Variants in WRN observed in about 807,000 individuals in gnomAD.
WRN encodes the protein bifunctional 3'-5' exonuclease/ATP-dependent helicase WRN.
WRN carries 149 observed loss-of-function variants against 180.7 expected under a neutral mutation model. The ratio of observed to expected loss-of-function variants is 0.82; its 90% confidence interval spans 0.72 to 0.94. The LOEUF is 0.94. Among genes scored for constraint, WRN ranks in the 40% least tolerant of loss-of-function variants. The pLI is 0.00. For synonymous variants in WRN, 548 were observed against 568.9 expected (o/e 0.96, Z 0.52); for missense variants, 1,661 against 1,700.1 (o/e 0.98, Z 0.40).
intron 31 of WRN, among the ~76,000 whole-genome samples, chr8:31,150,792 CT>C (rs1289667747): frequency 6.6e-6 from 1 of 152,100 alleles, no homozygotes; most frequent in Non-Finnish European, 1.5e-5. Flanking sequence ...GAAAGTTATC[CT>C]TGCTATGAGT....
intron 28 of WRN, 44 bp downstream of exon 28, chr8:31,143,667 T>G (rs376999322): frequency 2.2e-6 from 3 of 1,385,144 alleles, no homozygotes; most frequent in Non-Finnish European, 2.0e-6. Flanking sequence ...GCTTTATGAG[T>G]ACTTTTTTTT....
At chr8:31,111,839 C>CTT (rs111854110) in intron 19 of WRN, 40 bp downstream of exon 19, 459 of 1,310,716 alleles carry the variant, frequency 3.5e-4, no homozygotes, top group African/African-American at 7.9e-4. Context: ...TAATGATTTC[C>CTT]TTTTTTTTTT....
intron 7 of WRN, among the ~76,000 whole-genome samples, chr8:31,069,888 T>C (rs1175980765): frequency 1.3e-5 from 2 of 152,190 alleles, no homozygotes; most frequent in Non-Finnish European, 2.9e-5. Flanking sequence ...GTAGGTTACA[T>C]GTACAATTTT....
At chr8:31,112,835 G>A (rs1230573903) in intron 19 of WRN, among the ~76,000 whole-genome samples, 1 of 152,136 alleles carries the variant, frequency 6.6e-6, no homozygotes. Flanking sequence ...TGATCCACCT[G>A]TGTTGGCCTT....
intron 21 of WRN, among the ~76,000 whole-genome samples, chr8:31,121,412 G>A (rs150962849): frequency 6.6e-6 from 1 of 152,102 alleles, no homozygotes; most frequent in African/African-American, 2.4e-5. Flanking sequence ...AGATATAGTA[G>A]TAAAGAAAAG....
At chr8:31,116,670 C>G in intron 20 of WRN, 142 bp downstream of exon 20, 3 of 1,187,218 alleles carry the variant, frequency 2.5e-6, no homozygotes, top group Non-Finnish European at 3.6e-6. Flanking sequence ...GGAGAACAAA[C>G]TTGCAGATTA....
intron 8 of WRN, among the ~76,000 whole-genome samples, chr8:31,080,389 G>A (rs11574219): frequency 0.018 from 2,790 of 151,558 alleles, 69 homozygotes; most frequent in African/African-American, 0.065. Flanking sequence ...TGAGTGCGGA[G>A]TCCTAGGCAT....
chr8:31,090,335 G>T (rs1813697473), intron 13 of WRN, 130 bp from the exon 14 acceptor site: 1 of 848,340 alleles, frequency 1.2e-6, no homozygotes, highest in Non-Finnish European at 1.9e-6. Context: ...AAAGTTCCAG[G>T]TTTGTGCATT....
At chr8:31,126,979 A>T (rs756214687) in intron 23 of WRN, among the ~76,000 whole-genome samples, 5 of 152,208 alleles carry the variant, frequency 3.3e-5, no homozygotes, top group Non-Finnish European at 5.9e-5. Context: ...AATAATTTAG[A>T]TGAAATGGAT....
intron 1 of WRN, among the ~76,000 whole-genome samples, chr8:31,046,046 G>T (rs990504187): frequency 3.3e-5 from 5 of 151,982 alleles, no homozygotes; most frequent in Non-Finnish European, 5.9e-5. Context: ...TCCCAGGCAG[G>T]TTGTCATTTT....
chr8:31,135,801 CTCTCT>C (rs59676141), intron 24 of WRN, among the ~76,000 whole-genome samples: 175 of 151,088 alleles, frequency 1.2e-3, no homozygotes, highest in African/African-American at 3.9e-3. Context: ...GTCTTTTCTT[CTCTCT>C]TCTCTTCTCT....
intron 1 of WRN, among the ~76,000 whole-genome samples, chr8:31,041,336 A>G (rs1811649384): frequency 6.6e-6 from 1 of 152,150 alleles, no homozygotes; most frequent in African/African-American, 2.4e-5. Flanking sequence ...ATCTTCCCTT[A>G]CTTAGCCTTT....
At chr8:31,130,053 G>C (rs1418919772) in intron 23 of WRN, among the ~76,000 whole-genome samples, 2 of 147,850 alleles carry the variant, frequency 1.4e-5, no homozygotes, top group Non-Finnish European at 3.0e-5. Flanking sequence ...AGAGGGCCCA[G>C]TGGCTCACAC....
chr8:31,139,609 T>C (rs1014625063), intron 24 of WRN, among the ~76,000 whole-genome samples: 2 of 152,216 alleles, frequency 1.3e-5, no homozygotes, highest in African/African-American at 2.4e-5. Flanking sequence ...TACCTTTGCA[T>C]GCTCTGCAAA....
At position 31,116,394 on chromosome 8, in the gene WRN, CCTT is replaced by C. The variant is rs1162450384; in HGVS notation, c.2317_2319del (p.Ser773del). 6.2e-7 allele frequency: 1 copy of C among 1,613,940 alleles called. No individual in the cohort carries two copies. The highest frequency in any genetic ancestry group is 2.2e-5 in the East Asian group (1 of 44,836). On this transcript the variant is annotated inframe_deletion, in exon 20 of 35. Coordinates refer to ENST00000298139, the MANE Select transcript of WRN (RefSeq NM_000553.6). ...TGAAGGTCCAACAATCATCTACTGT[CCTT>C]CTAGAAAAATGACACAACAAGTTAC...
chr8:31,167,229 A>G lies in WRN; in HGVS notation c.4190A>G (p.Glu1397Gly). 2.5e-6 allele frequency: 4 copies of G among 1,610,266 alleles called. No homozygotes were observed. Residue 1397 changes from glutamate (E) to glycine (G), a missense_variant and splice_region_variant, in exon 34 of 35, where the codon GAG (glutamate) becomes GGG (glycine). Glu to Gly is a moderately conservative substitution (Grantham distance 98, BLOSUM62 -2). Transcript: ENST00000298139. Reference protein sequence around the residue: ...RSKEEVGINTETSSAERKRRL... With the variant: ...RSKEEVGINTGTSSAERKRRL... The stretch of plus-strand genomic sequence containing the variant: ...AAGGAAGAAGTAGGCATCAATACTG[A>G]GGTATTAATTATATATAGAATTTTC...
At chr8:31,119,326 T>C (rs765025497) in intron 20 of WRN, among the ~76,000 whole-genome samples, 11 of 151,980 alleles carry the variant, frequency 7.2e-5, no homozygotes, top group Non-Finnish European at 1.6e-4. Flanking sequence ...CTGTTTCCCA[T>C]TCACAACCTT....
chr8:31,151,483 A>G (rs1803123947), intron 31 of WRN, among the ~76,000 whole-genome samples: 1 of 152,206 alleles, frequency 6.6e-6, no homozygotes, highest in Non-Finnish European at 1.5e-5. Context: ...ATACTCTTAT[A>G]TAAGACATCA....
intron 10 of WRN, among the ~76,000 whole-genome samples, chr8:31,084,526 G>A (rs1813449564): frequency 6.6e-6 from 1 of 151,926 alleles, no homozygotes; most frequent in South Asian, 2.1e-4. Context: ...CTGTTTAAAT[G>A]TTTGGCATTT....
Sources: allele counts gnomAD v4.1 joint callset (sites outside exome capture counted in the v4.1 genomes callset), GRCh38; gene constraint gnomAD v4.1.1; transcripts MANE v1.5; gene names NCBI Gene and HGNC (gene_info 2026-07-23, HGNC 2026-07-21).